The following TAFA1 variants were observed in gnomAD, a reference collection of about 807,000 sequenced individuals.
TAFA1 encodes chemokine-like protein TAFA-1.
TAFA1 carries 4 observed loss-of-function variants against 18.5 expected under a neutral mutation model. That is an observed-to-expected ratio of 0.22 (90% CI 0.11 to 0.49). The LOEUF is 0.49. Among genes scored for constraint, TAFA1 ranks in the 20% least tolerant of loss-of-function variants. The probability of loss-of-function intolerance (pLI) is 0.98; values close to 1 mark genes in which losing one functional copy is unlikely to be tolerated. For synonymous variants in TAFA1, 56 were observed against 55.2 expected, an observed-to-expected ratio of 1.01 and a Z score of -0.06; for missense variants, 147 against 169.0, an observed-to-expected ratio of 0.87 and a Z score of 0.72.
intron 2 of TAFA1, among the ~76,000 whole-genome samples, chr3:68,169,610 A>G (rs934557902): frequency 2.6e-5 from 4 of 152,260 alleles, no homozygotes; most frequent in Non-Finnish European, 5.9e-5. Flanking sequence ...TAAATAATGA[A>G]TGTAGAATTC....
chr3:68,262,307 GTATATATATATATATATATATATA>G (rs763753757), intron 2 of TAFA1, among the ~76,000 whole-genome samples: 3,341 of 32,250 alleles, frequency 0.1, 244 homozygotes, highest in Admixed American at 0.27. Context: ...GATATGGAGG[GTATATATATATATATATATATATA>G]TATATATATA....
At chr3:68,047,994 AGAG>A (rs1378747903) in intron 2 of TAFA1, among the ~76,000 whole-genome samples, 1 of 152,126 alleles carries the variant, frequency 6.6e-6, no homozygotes, top group Non-Finnish European at 1.5e-5. Context: ...CTTCTGAGCA[AGAG>A]GAGGAACCCA....
chr3:68,532,007 C>T (rs2073194699), intron 3 of TAFA1, among the ~76,000 whole-genome samples: 1 of 152,112 alleles, frequency 6.6e-6, no homozygotes, highest in African/African-American at 2.4e-5. Context: ...AATTATTTAT[C>T]TTTATATTTT....
chr3:68,006,433 A>T, intron 1 of TAFA1, 191 bp from the exon 2 acceptor site: 1 of 544,698 alleles, frequency 1.8e-6, no homozygotes, highest in Non-Finnish European at 3.3e-6. Context: ...AAAAAAATGA[A>T]TGTATGATCA....
intron 2 of TAFA1, among the ~76,000 whole-genome samples, chr3:68,409,405 G>C (rs1321863709): frequency 6.6e-6 from 1 of 151,992 alleles, no homozygotes; most frequent in Non-Finnish European, 1.5e-5. Flanking sequence ...TCATGAGGGT[G>C]GTTTCCCCCA....
At chr3:68,032,394 G>C (rs1030289582) in intron 2 of TAFA1, among the ~76,000 whole-genome samples, 1 of 151,824 alleles carries the variant, frequency 6.6e-6, no homozygotes, top group African/African-American at 2.4e-5. Flanking sequence ...ATAAATTCTG[G>C]GCATCCAGCC....
At chr3:68,297,254 G>T (rs1396062144) in intron 2 of TAFA1, among the ~76,000 whole-genome samples, 1 of 152,110 alleles carries the variant, frequency 6.6e-6, no homozygotes, top group African/African-American at 2.4e-5. Flanking sequence ...ATTTGATTAG[G>T]GTATTTCTCT....
At chr3:68,224,464 C>G (rs2066771730) in intron 2 of TAFA1, among the ~76,000 whole-genome samples, 1 of 152,194 alleles carries the variant, frequency 6.6e-6, no homozygotes, top group Non-Finnish European at 1.5e-5. Flanking sequence ...CTTCTAATCT[C>G]ATCTTAGTCT....
At chr3:68,358,132 C>T (rs971609970) in intron 2 of TAFA1, among the ~76,000 whole-genome samples, 4 of 151,814 alleles carry the variant, frequency 2.6e-5, no homozygotes, top group African/African-American at 9.7e-5. Context: ...AATTCTGCTC[C>T]CAGAATTACT....
At chr3:68,109,140 C>T (rs979927964) in intron 2 of TAFA1, among the ~76,000 whole-genome samples, 1 of 151,898 alleles carries the variant, frequency 6.6e-6, no homozygotes, top group Non-Finnish European at 1.5e-5. Flanking sequence ...GCTTCTGTGA[C>T]AGTCCCTTTG....
At chr3:68,053,571 T>C (rs1198603410) in intron 2 of TAFA1, among the ~76,000 whole-genome samples, 1 of 152,166 alleles carries the variant, frequency 6.6e-6, no homozygotes, top group African/African-American at 2.4e-5. Context: ...CTGCCTCTGC[T>C]CTTCATTTTG....
At chr3:68,149,928 C>A (rs985895971) in intron 2 of TAFA1, among the ~76,000 whole-genome samples, 5 of 152,130 alleles carry the variant, frequency 3.3e-5, no homozygotes, top group Non-Finnish European at 7.4e-5. Flanking sequence ...GGGTTGTCTG[C>A]AATACTTTCT....
chr3:68,052,014 C>CT (rs1445493839), intron 2 of TAFA1, among the ~76,000 whole-genome samples: 1 of 151,982 alleles, frequency 6.6e-6, no homozygotes, highest in South Asian at 2.1e-4. Context: ...TTAAGGAAGT[C>CT]TTTTTTTCCA....
At chr3:68,371,402 G>T (rs556027593) in intron 2 of TAFA1, among the ~76,000 whole-genome samples, 1 of 152,052 alleles carries the variant, frequency 6.6e-6, no homozygotes, top group Non-Finnish European at 1.5e-5. Context: ...ACGGGCCCCA[G>T]TGTGTGATGT....
intron 2 of TAFA1, among the ~76,000 whole-genome samples, chr3:68,253,208 C>T (rs2067230192): frequency 6.6e-6 from 1 of 152,150 alleles, no homozygotes; most frequent in Non-Finnish European, 1.5e-5. Context: ...GAAAAAATAG[C>T]TGGACATAGC....
At chr3:68,037,762 G>A (rs988555921) in intron 2 of TAFA1, among the ~76,000 whole-genome samples, 1 of 152,176 alleles carries the variant, frequency 6.6e-6, no homozygotes, top group Non-Finnish European at 1.5e-5. Flanking sequence ...GAGAGAGAAG[G>A]TCTCTGGCAA....
At chr3:68,416,828 A>G (rs1042918364) in intron 2 of TAFA1, among the ~76,000 whole-genome samples, 1 of 152,332 alleles carries the variant, frequency 6.6e-6, no homozygotes, top group East Asian at 1.9e-4. Context: ...GAGAGTAGGC[A>G]GGCAATGGAA....
At chr3:68,348,387 C>A (rs1046902228) in intron 2 of TAFA1, among the ~76,000 whole-genome samples, 1 of 152,136 alleles carries the variant, frequency 6.6e-6, no homozygotes, top group African/African-American at 2.4e-5. Context: ...AGTACACAGT[C>A]ACATACAATG....
At chr3:68,346,445 T>C (rs2069165226) in intron 2 of TAFA1, among the ~76,000 whole-genome samples, 1 of 152,066 alleles carries the variant, frequency 6.6e-6, no homozygotes, top group Admixed American at 6.6e-5. Flanking sequence ...GGCAATCTTG[T>C]GTTAATATTC....
Sources: gnomAD v4.1 joint callset for allele counts (sites outside exome capture counted in the v4.1 genomes callset) on GRCh38, gnomAD v4.1.1 for gene constraint, MANE v1.5 for transcripts, NCBI Gene and HGNC (gene_info 2026-07-23, HGNC 2026-07-21) for gene names.